Variants in CEP162 observed in about 807,000 individuals in gnomAD.
CEP162 encodes centrosomal protein of 162 kDa.
Under a neutral mutation model 169.2 loss-of-function variants are expected in CEP162, and 141 were observed. The observed-to-expected ratio is 0.83, with a 90% CI of 0.73 to 0.96. The LOEUF is 0.96. CEP162 is among the 40% of genes least tolerant of loss of function. CEP162 has a pLI of 0.00. For missense variants in CEP162, 1,600 were observed against 1,587.2 expected (o/e 1.01, Z -0.14); for synonymous variants, 540 against 526.4 (o/e 1.03, Z -0.35).
intron 13 of CEP162, among the ~76,000 whole-genome samples, chr6:84,177,224 T>C (rs1386444253): frequency 6.6e-6 from 1 of 152,188 alleles, no homozygotes; most frequent in African/African-American, 2.4e-5. Flanking sequence ...CCCTAGTTGA[T>C]AGGCTAACTA....
intron 25 of CEP162, among the ~76,000 whole-genome samples, chr6:84,144,713 T>C (rs1485888263): frequency 6.6e-6 from 1 of 152,058 alleles, no homozygotes; most frequent in African/African-American, 2.4e-5. Flanking sequence ...CAAGAATTAA[T>C]TACATGGGAC....
chr6:84,201,342 T>C (rs565565136), intron 8 of CEP162, among the ~76,000 whole-genome samples: 1 of 152,204 alleles, frequency 6.6e-6, no homozygotes, highest in East Asian at 1.9e-4. Context: ...CAAAGATAAA[T>C]GCTTATATAC....
intron 13 of CEP162, among the ~76,000 whole-genome samples, chr6:84,178,437 T>G: frequency 6.6e-6 from 1 of 152,200 alleles, no homozygotes; most frequent in East Asian, 1.9e-4. Context: ...ATGGGATTCA[T>G]TAACCATTTT....
At chr6:84,141,535 C>T (rs1344794013) in intron 25 of CEP162, among the ~76,000 whole-genome samples, 2 of 152,248 alleles carry the variant, frequency 1.3e-5, no homozygotes, top group South Asian at 2.1e-4. Flanking sequence ...CCTCAAAATC[C>T]AGTCTCAACC....
In CEP162 at chr6:84,215,466, C is replaced by A; in HGVS notation, c.320-1G>T. 6.4e-7 allele frequency: 1 copy of A among 1,559,198 alleles called. No individual in the cohort carries two copies. The highest frequency in any genetic ancestry group is 1.3e-5 in the South Asian group (1 of 79,174). Reference sequence around the variant, plus strand: ...TGGTTGAGCTCAGAAACTACTAGTTCTAAATGGAAAGCACAAATATATTTT... The same window carrying A: ...TGGTTGAGCTCAGAAACTACTAGTTATAAATGGAAAGCACAAATATATTTT... On this transcript the variant is annotated splice_acceptor_variant, in intron 4 of 26. Coordinates refer to ENST00000403245, the MANE Select transcript of CEP162 (RefSeq NM_014895.4). LOFTEE classifies it high-confidence loss of function.
Position 84,200,912 on chromosome 6 carries a change from GA to G in CEP162, c.719-8del, listed in dbSNP as rs759803106. ...AATGAATCAAGCAGCACAACTGGAA[GA>G]ATATAAAAGAAAAATATAAGGAATG... On this transcript the variant is annotated splice_polypyrimidine_tract_variant and splice_region_variant and intron_variant, in intron 8 of 26. Transcript: ENST00000403245. 14 of 1,462,662 alleles carry G rather than the reference GA, an allele frequency of 9.6e-6. No individual in the cohort carries two copies. The highest frequency in any genetic ancestry group is 4.2e-5 in the African/African-American group (3 of 71,934). The allele number at this position is 1,462,662 out of a possible 1,614,324, so 90.6% of individuals were successfully genotyped here.
intron 11 of CEP162, among the ~76,000 whole-genome samples, chr6:84,188,047 C>A (rs1395385808): frequency 6.6e-6 from 1 of 151,394 alleles, no homozygotes; most frequent in Non-Finnish European, 1.5e-5. Flanking sequence ...AAAAGAGTGA[C>A]CCAGTCCCTT....
intron 9 of CEP162, 113 bp from the exon 10 acceptor site, chr6:84,195,188 T>A: frequency 1.1e-6 from 1 of 879,754 alleles, no homozygotes; most frequent in Non-Finnish European, 1.7e-6. Context: ...AGTTAAGTAC[T>A]AACTAGGTAA....
chr6:84,227,475 G>A (rs901206981), intron 1 of CEP162, 105 bp downstream of exon 1: 1 of 152,256 alleles, frequency 6.6e-6, no homozygotes, highest in African/African-American at 2.4e-5. Flanking sequence ...TCCGGGCGGA[G>A]AAGGGGAATG....
At chr6:84,139,989 G>T (rs1237991335) in intron 25 of CEP162, among the ~76,000 whole-genome samples, 1 of 152,178 alleles carries the variant, frequency 6.6e-6, no homozygotes, top group Non-Finnish European at 1.5e-5. Context: ...ACTTTGCTGT[G>T]GGTCCCCAGT....
At chr6:84,155,152 T>C in intron 22 of CEP162, 146 bp downstream of exon 22, 2 of 636,346 alleles carry the variant, frequency 3.1e-6, no homozygotes, top group South Asian at 4.3e-5. Context: ...TAGGATGCAC[T>C]TGGTTTCTTT....
At chr6:84,200,248 T>TCAAAA (rs771918463) in intron 9 of CEP162, among the ~76,000 whole-genome samples, 23 of 152,120 alleles carry the variant, frequency 1.5e-4, no homozygotes, top group South Asian at 4.1e-4. Context: ...AGACTCCATC[T>TCAAAA]CAAAACAAAA....
intron 15 of CEP162, 51 bp downstream of exon 15, chr6:84,174,676 T>A: frequency 1.3e-6 from 1 of 765,278 alleles, no homozygotes; most frequent in Non-Finnish European, 1.9e-6. Flanking sequence ...GAATTCAGCT[T>A]TTTTTTTTTT....
intron 25 of CEP162, among the ~76,000 whole-genome samples, chr6:84,140,282 A>G (rs1313520815): frequency 6.6e-6 from 1 of 151,866 alleles, no homozygotes; most frequent in African/African-American, 2.4e-5. Flanking sequence ...TGATACTGGG[A>G]GAGTCCTATC....
intron 21 of CEP162, among the ~76,000 whole-genome samples, chr6:84,157,231 A>G (rs1389952094): frequency 6.6e-6 from 1 of 152,252 alleles, no homozygotes; most frequent in African/African-American, 2.4e-5. Flanking sequence ...AGATATTTAT[A>G]GCATGTCTCC....
At chr6:84,161,034 G>T (rs1431032058) in intron 20 of CEP162, 118 bp from the exon 21 acceptor site, 2 of 710,300 alleles carry the variant, frequency 2.8e-6, no homozygotes, top group Admixed American at 4.8e-5. Context: ...AAAATTTGGG[G>T]AATTAATTCC....
At chr6:84,161,517 G>A (rs2099525762) in intron 20 of CEP162, among the ~76,000 whole-genome samples, 1 of 152,136 alleles carries the variant, frequency 6.6e-6, no homozygotes, top group Non-Finnish European at 1.5e-5. Flanking sequence ...CACTGAAGAG[G>A]CAGGCAGGGT....
At chr6:84,163,102 G>C (rs756067869) in intron 19 of CEP162, 42 bp downstream of exon 19, 1 of 1,594,218 alleles carries the variant, frequency 6.3e-7, no homozygotes, top group East Asian at 2.2e-5. Flanking sequence ...CATTAGAACA[G>C]TTATGATTAT....
At chr6:84,190,722 C>T (rs1247924103) in intron 11 of CEP162, among the ~76,000 whole-genome samples, 6 of 152,154 alleles carry the variant, frequency 3.9e-5, no homozygotes, top group Non-Finnish European at 7.4e-5. Flanking sequence ...AGACTCCAGA[C>T]GCGCCACCTT....
Sources: gnomAD v4.1 joint callset for allele counts (sites outside exome capture counted in the v4.1 genomes callset) on GRCh38, gnomAD v4.1.1 for gene constraint, MANE v1.5 for transcripts, NCBI Gene and HGNC (gene_info 2026-07-23, HGNC 2026-07-21) for gene names.